Variants in TNRC6A observed in about 807,000 individuals in gnomAD.
TNRC6A encodes trinucleotide repeat-containing gene 6A protein.
Under a neutral mutation model 221.2 loss-of-function variants are expected in TNRC6A, and 44 were observed. The ratio of observed to expected loss-of-function variants is 0.20; its 90% CI spans 0.16 to 0.26. The LOEUF is 0.26. TNRC6A is among the 10% of genes least tolerant of loss of function. The pLI is 1.00. For synonymous variants in TNRC6A, 847 were observed against 838.5 expected (o/e 1.01, Z -0.18); for missense variants, 2,199 against 2,404.4 (o/e 0.91, Z 1.79).
chr16:24,710,879 A>AT (rs545753446), intron 2 of TNRC6A, among the ~76,000 whole-genome samples: 34,850 of 139,470 alleles, frequency 0.25, 7,059 homozygotes, highest in East Asian at 0.69. Context: ...TGCCCGGCTA[A>AT]TTTTTTTTTT....
In TNRC6A at chr16:24,777,288, A is replaced by G. The variant is rs377532777; in HGVS notation, c.519A>G (p.Ser173=). The change falls in exon 5 of 25, where the codon TCA becomes TCG. Residue 173 remains serine (S), a synonymous_variant. Transcript: ENST00000395799. ...CTGTTAAGGTGTTAAACAGCCAGTC[A>G]GAAAGCAGTGCTTTAACAAATCAAC... ...GSAVKVLNSQ[S]ESSALTNQQP... is the part of the protein sequence containing the mutation. 339 of 1,614,104 alleles carry G rather than the reference A, an allele frequency of 2.1e-4. No homozygotes were observed. The highest frequency in any genetic ancestry group is 2.8e-4 in the Non-Finnish European group (327 of 1,180,052).
chr16:24,800,020 T>G (rs998540431), intron 11 of TNRC6A, among the ~76,000 whole-genome samples: 1 of 152,166 alleles, frequency 6.6e-6, no homozygotes, highest in African/African-American at 2.4e-5. Context: ...GTTTGTTTGT[T>G]TGTTTGTTTG....
At chr16:24,748,056 C>T (rs2057051434) in intron 2 of TNRC6A, among the ~76,000 whole-genome samples, 1 of 152,008 alleles carries the variant, frequency 6.6e-6, no homozygotes. Flanking sequence ...GTAAAGACAG[C>T]CTTTTGGGTG....
At chr16:24,783,686 A>G (rs1227256498) in intron 5 of TNRC6A, among the ~76,000 whole-genome samples, 3 of 152,126 alleles carry the variant, frequency 2.0e-5, no homozygotes, top group African/African-American at 7.2e-5. Flanking sequence ...GCGTATAAAC[A>G]TTTTGCATTA....
In TNRC6A at chr16:24,756,450, TCTATA is replaced by T. The variant is rs767942134; in HGVS notation, c.142-1885_142-1881del. 1.3e-4 allele frequency among the ~76,000 whole-genome samples: 20 copies of T among 152,344 alleles called. No individual in the cohort carries two copies. The East Asian group carries it at 2.9e-3, about 22-fold the overall frequency. On this transcript the variant is annotated intron_variant, in intron 3 of 24. Coordinates refer to ENST00000395799, the MANE Select transcript of TNRC6A (RefSeq NM_014494.4). ...CCCATTCCATGAGGAGCTCTTGGTT[TCTATA>T]CTACTACTTTCATTCCTTGTATACA...
chr16:24,687,152 A>G (rs540370513), intron 2 of TNRC6A, among the ~76,000 whole-genome samples: 1 of 152,332 alleles, frequency 6.6e-6, no homozygotes, highest in East Asian at 1.9e-4. Context: ...GGAGGGAGAT[A>G]CTAGGTCTCC....
At chr16:24,797,686 T>C (rs1333842485) in intron 10 of TNRC6A, 116 bp downstream of exon 10, 1 of 993,856 alleles carries the variant, frequency 1.0e-6, no homozygotes, top group Non-Finnish European at 1.4e-6. Flanking sequence ...ATGTACTTGA[T>C]GTTAGAGTAA....
rs770118756 is a variant in TNRC6A, at chr16:24,795,897, T to C, written c.3529-10T>C. 38 of 1,592,450 alleles carry C rather than the reference T, an allele frequency of 2.4e-5. No individual in the cohort carries two copies. Among genetic ancestry groups the C allele is most frequent in the South Asian group, 1.7e-4 (15 of 88,668 alleles). The stretch of plus-strand genomic sequence containing the variant: ...ACCATGCTGTTTTGTGACTTTGTCT[T>C]TCCTTACAGGGTCTGAGTGGCAAAA... On this transcript the variant is annotated splice_polypyrimidine_tract_variant and intron_variant, in intron 8 of 24. Coordinates refer to ENST00000395799, the MANE Select transcript of TNRC6A (RefSeq NM_014494.4).
chr16:24,715,649 ACT>A (rs1181903880), intron 2 of TNRC6A, among the ~76,000 whole-genome samples: 1 of 133,334 alleles, frequency 7.5e-6, no homozygotes, highest in Non-Finnish European at 1.5e-5. Flanking sequence ...ACGGAGTCTC[ACT>A]CTGTCTCTCA....
At chr16:24,769,951 T>G (rs936066189) in intron 4 of TNRC6A, among the ~76,000 whole-genome samples, 1 of 152,142 alleles carries the variant, frequency 6.6e-6, no homozygotes, top group African/African-American at 2.4e-5. Flanking sequence ...AGTGATAAAG[T>G]GAAGGAGAAA....
intron 4 of TNRC6A, among the ~76,000 whole-genome samples, chr16:24,774,113 C>T (rs1328668543): frequency 2.0e-5 from 3 of 152,020 alleles, no homozygotes; most frequent in Non-Finnish European, 4.4e-5. Context: ...TTTCCTTTTT[C>T]CCCCCTTCCA....
chr16:24,823,854 A>G lies in TNRC6A; in HGVS notation c.*47A>G, dbSNP rs2058820737. 1.5e-6 allele frequency: 2 copies of G among 1,368,218 alleles called. No individual in the cohort carries two copies. Among genetic ancestry groups the G allele is most frequent in the Non-Finnish European group, 1.9e-6 (2 of 1,056,106 alleles). 84.8% of individuals were successfully genotyped at this position (1,368,218 alleles called of 1,614,324 possible). On this transcript the variant is annotated 3_prime_UTR_variant, in exon 25 of 25. Transcript: ENST00000395799. This position sits in a 1 kb window ranked among gnomAD's most constrained non-coding sequence, Gnocchi z 4.3. The stretch of plus-strand genomic sequence containing the variant: ...GACCGGGACCTCAGACGCGAGGGAA[A>G]GGAGCACTAAGTGGGGCTCGCCGCC...
At chr16:24,701,099 G>A (rs551608943) in intron 2 of TNRC6A, among the ~76,000 whole-genome samples, 1 of 152,364 alleles carries the variant, frequency 6.6e-6, no homozygotes, top group East Asian at 1.9e-4. Flanking sequence ...AGGCAGTTAA[G>A]TTCAGAGGCA....
intron 2 of TNRC6A, among the ~76,000 whole-genome samples, chr16:24,706,348 A>G (rs941858482): frequency 6.6e-6 from 1 of 152,174 alleles, no homozygotes; most frequent in African/African-American, 2.4e-5. Context: ...TTGAAAAAGG[A>G]AAGTAATAAA....
Position 24,771,590 on chromosome 16 carries a change from TTA to T in TNRC6A, c.164-5341_164-5340del, listed in dbSNP as rs763460451. 3.8e-4 allele frequency among the ~76,000 whole-genome samples: 57 copies of T among 149,992 alleles called. 1 individual carries two copies. The highest frequency in any genetic ancestry group is 5.8e-4 in the East Asian group (3 of 5,136). On this transcript the variant is annotated intron_variant, in intron 4 of 24. Coordinates refer to ENST00000395799, the MANE Select transcript of TNRC6A (RefSeq NM_014494.4). ...TGTTATGTTATGTTATGTTGTTATG[TTA>T]TGTTATGTTATGTTATGTTATGTTA...
rs557963868 is a variant in TNRC6A, at chr16:24,659,138, C to T, written n.402+18129C>T. ...CCCACCATTATTTTATTTTCTAATT[C>T]GCCCATTTATTATTTTATTCCTTCT... On this transcript the variant is annotated intron_variant and non_coding_transcript_variant, in intron 2 of 2. Transcript: ENST00000566108. 5.3e-5 allele frequency among the ~76,000 whole-genome samples: 8 copies of T among 152,066 alleles called. No homozygotes were observed. In the South Asian group the frequency reaches 1.2e-3, roughly 24 times the overall value.
rs773551626 is a variant in TNRC6A at position 24,730,213 on chromosome 16, GTGTTTTTGTTT to G, written c.6-27_6-17del. 2.6e-4 allele frequency: 407 copies of G among 1,581,300 alleles called. 2 individuals carry two copies. The highest frequency in any genetic ancestry group is 2.4e-4 in the Non-Finnish European group (279 of 1,169,478). On this transcript the variant is annotated intron_variant, in intron 1 of 24. Transcript: ENST00000395799. ...TCACGCGCATCTCGTTTTTGTGTGT[GTGTTTTTGTTT>G]TGTTTTTGTTTTTGTTTTTTTGTTT...
chr16:24,614,497 C>A (rs1900238337), intron 1 of TNRC6A, among the ~76,000 whole-genome samples: 1 of 152,218 alleles, frequency 6.6e-6, no homozygotes, highest in Non-Finnish European at 1.5e-5. Flanking sequence ...GAGATACCCT[C>A]AGAACTATCA....
At chr16:24,639,748 T>C (rs763986997) in intron 1 of TNRC6A, among the ~76,000 whole-genome samples, 4 of 152,030 alleles carry the variant, frequency 2.6e-5, no homozygotes, top group Non-Finnish European at 5.9e-5. Flanking sequence ...CTCACTCAAG[T>C]GATCCTCCTG....
Sources: allele counts gnomAD v4.1 joint callset (sites outside exome capture counted in the v4.1 genomes callset), GRCh38; gene constraint gnomAD v4.1.1; non-coding constraint Gnocchi (gnomAD v3.1); transcripts MANE v1.5; gene names NCBI Gene and HGNC (gene_info 2026-07-23, HGNC 2026-07-21).